DMTF1: variants seen among roughly 807,000 people sequenced by gnomAD.
DMTF1 encodes the protein cyclin-D-binding Myb-like transcription factor 1.
In DMTF1, 39 loss-of-function variants were observed where a neutral mutation model predicts 91.1. That is an observed-to-expected ratio of 0.43 (90% confidence interval 0.33 to 0.56). The LOEUF (loss-of-function observed/expected upper bound fraction) is 0.56, where lower values mean the gene tolerates loss of function less well. DMTF1 is among the 20% of genes least tolerant of loss of function. The pLI is 0.05. For synonymous variants in DMTF1, 338 were observed against 309.5 expected (o/e 1.09, Z -0.97); for missense variants, 750 against 914.5 (o/e 0.82, Z 2.32).
At chr7:87,194,612 A>G in intron 16 of DMTF1, 72 bp from the exon 17 acceptor site, 2 of 1,159,294 alleles carry the variant, frequency 1.7e-6, no homozygotes, top group Non-Finnish European at 2.5e-6. Flanking sequence ...TAACCTATAC[A>G]TACCTATACA....
Position 87,173,558 on chromosome 7 carries a change from T to C in DMTF1, c.351T>C (p.Asp117=), listed in dbSNP as rs375891727. The change falls in exon 6 of 18, where the codon GAT becomes GAC. Residue 117 remains aspartate (D), a synonymous_variant. Transcript: ENST00000331242. The part of the protein sequence containing the change: ...QIQILQNEQL[D]EISPLGNEEV... Reference sequence around the variant, plus strand: ...AGATTTTGCAGAATGAGCAACTAGATGAAATATCTCCCTTGGGTAACGAGG... The same window carrying C: ...AGATTTTGCAGAATGAGCAACTAGACGAAATATCTCCCTTGGGTAACGAGG... 1.1e-5 allele frequency: 17 copies of C among 1,607,282 alleles called. No homozygotes were observed. The highest frequency in any genetic ancestry group is 3.3e-4 in the Middle Eastern group (2 of 6,002).
chr7:87,173,685 A>G (rs1795618272), intron 6 of DMTF1, 36 bp downstream of exon 6: 2 of 1,405,884 alleles, frequency 1.4e-6, no homozygotes, highest in Middle Eastern at 1.9e-4. Context: ...GCCTAGTGAA[A>G]AAAAATGGAG....
At chr7:87,194,432 C>CT (rs1212569591) in intron 16 of DMTF1, 1 of 488,282 alleles carries the variant, frequency 2.0e-6, no homozygotes, top group Non-Finnish European at 3.6e-6. Context: ...CATCATCCTA[C>CT]ACTGTAACAG....
chr7:87,154,467 T>C (rs933000940), intron 1 of DMTF1: 30 of 152,686 alleles, frequency 2.0e-4, no homozygotes, highest in African/African-American at 7.0e-4. Context: ...CTTTAATTGG[T>C]TGCAGTTGAG....
chr7:87,168,597 C>G (rs1006400071), intron 4 of DMTF1, among the ~76,000 whole-genome samples: 2 of 152,156 alleles, frequency 1.3e-5, no homozygotes, highest in African/African-American at 2.4e-5. Flanking sequence ...CACTGTCTTG[C>G]ATTCACCAAG....
At chr7:87,189,374 C>G (rs532735996) in intron 13 of DMTF1, among the ~76,000 whole-genome samples, 9 of 152,176 alleles carry the variant, frequency 5.9e-5, no homozygotes, top group Non-Finnish European at 1.2e-4. Flanking sequence ...TGAAGGATTT[C>G]TTTTCGTTTT....
chr7:87,152,836 G>T, intron 1 of DMTF1: 1 of 155,618 alleles, frequency 6.4e-6, no homozygotes, highest in Non-Finnish European at 1.4e-5. Context: ...GATCCGGCGG[G>T]GGCGGAAAAT....
At chr7:87,153,065 T>C (rs1025214553) in intron 1 of DMTF1, 30 of 151,882 alleles carry the variant, frequency 2.0e-4, no homozygotes, top group African/African-American at 7.0e-4. Context: ...GTCGAGAGAG[T>C]GGGGGTGGGT....
At chr7:87,167,829 A>G (rs1794186369) in intron 4 of DMTF1, among the ~76,000 whole-genome samples, 1 of 152,222 alleles carries the variant, frequency 6.6e-6, no homozygotes, top group African/African-American at 2.4e-5. Context: ...CTAAAACTTA[A>G]TTGGCCTATC....
chr7:87,175,103 C>G (rs908964481), intron 7 of DMTF1, among the ~76,000 whole-genome samples: 2 of 151,372 alleles, frequency 1.3e-5, no homozygotes, highest in African/African-American at 4.9e-5. Flanking sequence ...ACTGCAACCT[C>G]CGTCTCTTGG....
chr7:87,155,429 T>C (rs564474685), intron 1 of DMTF1: 1 of 152,356 alleles, frequency 6.6e-6, no homozygotes, highest in African/African-American at 2.4e-5. Flanking sequence ...GGAATTGATA[T>C]ACTTTTAAAT....
Position 87,188,294 on chromosome 7 carries a change from C to G in DMTF1, c.1404C>G (p.Thr468=), listed in dbSNP as rs751032586. 2.5e-6 allele frequency: 4 copies of G among 1,613,762 alleles called. No individual in the cohort carries two copies. The highest frequency in any genetic ancestry group is 2.2e-5 in the East Asian group (1 of 44,874). The change falls in exon 13 of 18, where the codon ACC becomes ACG. Residue 468 remains threonine (T), a synonymous_variant. Coordinates refer to ENST00000331242, the MANE Select transcript of DMTF1 (RefSeq NM_001142327.2). The stretch of plus-strand genomic sequence containing the variant: ...CATTGCAGATTCCAGTCCAGATCAC[C>G]CATGTTTGTAAGTGTTTGATCTTCA... The part of the protein sequence containing the change: ...MAALQIPVQI[T]HVSSADSPAT...
intron 1 of DMTF1, among the ~76,000 whole-genome samples, chr7:87,160,020 A>G (rs553140728): frequency 5.9e-5 from 9 of 152,236 alleles, no homozygotes; most frequent in Non-Finnish European, 1.3e-4. Flanking sequence ...TTTTCCAGAT[A>G]AACCAAATGG....
At chr7:87,157,468 A>G (rs1209271695) in intron 1 of DMTF1, among the ~76,000 whole-genome samples, 2 of 152,174 alleles carry the variant, frequency 1.3e-5, no homozygotes, top group Non-Finnish European at 2.9e-5. Context: ...TTACAGAATT[A>G]GCCCCCAAAA....
chr7:87,188,219 AGTT>A lies in DMTF1; in HGVS notation c.1331_1333del (p.Val444del), dbSNP rs867276057. The A allele has an allele frequency of 1.9e-6, 3 of 1,614,014 alleles. No individual in the cohort carries two copies. Among genetic ancestry groups the A allele is most frequent in the Non-Finnish European group, 8.5e-7 (1 of 1,179,918 alleles). ...CCAGTGTGCAGCATGTTCAGATAAG[AGTT>A]GCCCGCTTGGAAGATAATACAGCCA... is the stretch of plus-strand genomic sequence containing the variant. On this transcript the variant is annotated inframe_deletion, in exon 13 of 18. Transcript: ENST00000331242.
chr7:87,178,504 AT>A (rs1796709780), intron 7 of DMTF1, among the ~76,000 whole-genome samples: 1 of 151,858 alleles, frequency 6.6e-6, no homozygotes, highest in African/African-American at 2.4e-5. Context: ...GAGATTTTAC[AT>A]TTTTTTCCAT....
chr7:87,181,954 C>A, intron 9 of DMTF1: 1 of 1,318,960 alleles, frequency 7.6e-7, no homozygotes, highest in Admixed American at 2.4e-5. Context: ...GTGTCAGTAA[C>A]CTGAGGGGAA....
In DMTF1 at chr7:87,163,515, A is replaced by G. The variant is rs1340600774; in HGVS notation, c.-111A>G. The G allele has an allele frequency of 1.3e-5, 2 of 152,278 alleles. No individual in the cohort carries two copies. The highest frequency in any genetic ancestry group is 4.8e-5 in the African/African-American group (2 of 41,452). 9.4% of individuals were successfully genotyped at this position (152,278 alleles called of 1,614,324 possible). ...TTCAGAGTGTTGCGGAGATAGGAAC[A>G]TGGGAGAGAAACAATCTGGGTAACA... On this transcript the variant is annotated 5_prime_UTR_variant, in exon 2 of 18. It removes an upstream start codon present in the reference 5' UTR. Coordinates refer to ENST00000331242, the MANE Select transcript of DMTF1 (RefSeq NM_001142327.2).
intron 1 of DMTF1, among the ~76,000 whole-genome samples, chr7:87,161,910 T>C (rs1424522497): frequency 6.6e-6 from 1 of 152,206 alleles, no homozygotes; most frequent in African/African-American, 2.4e-5. Flanking sequence ...TATATTGCAG[T>C]ATGATTGAAA....
Sources: gnomAD v4.1 joint callset for allele counts (sites outside exome capture counted in the v4.1 genomes callset) on GRCh38, gnomAD v4.1.1 for gene constraint, MANE v1.5 for transcripts, NCBI Gene and HGNC (gene_info 2026-07-23, HGNC 2026-07-21) for gene names.